The following PPM1E variants were observed in gnomAD, a reference collection of about 807,000 sequenced individuals.
PPM1E encodes protein phosphatase, Mg2+/Mn2+ dependent 1E.
A neutral mutation model predicts 65.9 loss-of-function variants in PPM1E; 20 were observed. That is an observed-to-expected ratio of 0.30 (90% CI 0.21 to 0.44). PPM1E has a LOEUF of 0.44. PPM1E is among the 20% of genes least tolerant of loss of function. PPM1E has a pLI of 1.00. For missense variants in PPM1E, 713 were observed against 953.1 expected (o/e 0.75, Z 3.32); for synonymous variants, 352 against 374.9 (o/e 0.94, Z 0.70).
At chr17:58,978,611 G>A (rs1419720365) in intron 6 of PPM1E, among the ~76,000 whole-genome samples, 2 of 152,014 alleles carry the variant, frequency 1.3e-5, no homozygotes, top group Admixed American at 1.3e-4. Context: ...CTCCGGAGGC[G>A]GAGGCAGGAG....
chr17:58,811,547 C>A (rs113313732), intron 1 of PPM1E, among the ~76,000 whole-genome samples: 3 of 152,036 alleles, frequency 2.0e-5, no homozygotes, highest in African/African-American at 7.2e-5. Context: ...AGACTTTTTT[C>A]TTTTGTATTG....
chr17:58,876,825 C>T (rs2051131916), intron 1 of PPM1E, among the ~76,000 whole-genome samples: 1 of 152,128 alleles, frequency 6.6e-6, no homozygotes, highest in African/African-American at 2.4e-5. Context: ...GCCCTGTCCG[C>T]CAGGCTGGAG....
intron 1 of PPM1E, among the ~76,000 whole-genome samples, chr17:58,878,402 C>T (rs899715503): frequency 5.3e-5 from 8 of 151,826 alleles, no homozygotes; most frequent in African/African-American, 1.9e-4. Context: ...GCCACCACAC[C>T]TGGCTAATTT....
chr17:58,930,931 A>C (rs1047910949), intron 1 of PPM1E, among the ~76,000 whole-genome samples: 1 of 151,904 alleles, frequency 6.6e-6, no homozygotes, highest in Admixed American at 6.6e-5. Flanking sequence ...TGCAGACTTG[A>C]GGCCAGGTGT....
At chr17:58,760,918 G>A (rs1240087523) in intron 1 of PPM1E, among the ~76,000 whole-genome samples, 1 of 152,166 alleles carries the variant, frequency 6.6e-6, no homozygotes, top group Admixed American at 6.5e-5. Context: ...GATGCCTAGG[G>A]TATAGTCTAA....
At chr17:58,813,607 A>C (rs1181989617) in intron 1 of PPM1E, among the ~76,000 whole-genome samples, 1 of 152,178 alleles carries the variant, frequency 6.6e-6, no homozygotes. Flanking sequence ...TTTGTGAGAG[A>C]ATTTGAGTAT....
intron 1 of PPM1E, among the ~76,000 whole-genome samples, chr17:58,811,286 T>C (rs2050365375): frequency 6.6e-6 from 1 of 152,230 alleles, no homozygotes; most frequent in Non-Finnish European, 1.5e-5. Flanking sequence ...GTGTTCTATT[T>C]ATCTGGAATG....
intron 1 of PPM1E, among the ~76,000 whole-genome samples, chr17:58,908,558 G>A (rs929900540): frequency 6.6e-5 from 10 of 151,820 alleles, no homozygotes; most frequent in African/African-American, 2.4e-4. Context: ...TCCTGCCTCA[G>A]CCTTCTGAAT....
At chr17:58,828,069 A>C (rs1410600954) in intron 1 of PPM1E, among the ~76,000 whole-genome samples, 1 of 151,296 alleles carries the variant, frequency 6.6e-6, no homozygotes, top group Non-Finnish European at 1.5e-5. Flanking sequence ...AAATACAAAA[A>C]TTAGCCAGGC....
intron 1 of PPM1E, among the ~76,000 whole-genome samples, chr17:58,906,264 T>G (rs961731749): frequency 6.6e-6 from 1 of 152,220 alleles, no homozygotes; most frequent in African/African-American, 2.4e-5. Flanking sequence ...GGCTAGAGGC[T>G]TATCGATTTT....
At chr17:58,869,934 G>A (rs2051051369) in intron 1 of PPM1E, among the ~76,000 whole-genome samples, 1 of 152,134 alleles carries the variant, frequency 6.6e-6, no homozygotes, top group Admixed American at 6.5e-5. Context: ...AGAGAATCTG[G>A]GATTGAAAGT....
At chr17:58,928,036 G>A (rs889125128) in intron 1 of PPM1E, among the ~76,000 whole-genome samples, 1 of 151,762 alleles carries the variant, frequency 6.6e-6, no homozygotes, top group Non-Finnish European at 1.5e-5. Flanking sequence ...CTCCAGCCTG[G>A]GCAACAGAGC....
chr17:58,827,688 G>A (rs1220602935), intron 1 of PPM1E, among the ~76,000 whole-genome samples: 1 of 150,984 alleles, frequency 6.6e-6, no homozygotes, highest in Non-Finnish European at 1.5e-5. Context: ...GGATCACGAG[G>A]TCAGGAGATC....
intron 1 of PPM1E, among the ~76,000 whole-genome samples, chr17:58,859,379 C>T (rs1448169164): frequency 6.6e-6 from 1 of 152,218 alleles, no homozygotes; most frequent in Non-Finnish European, 1.5e-5. Flanking sequence ...AAAGTTACAA[C>T]AGCTTTAAGT....
At chr17:58,914,566 C>A (rs2051663938) in intron 1 of PPM1E, among the ~76,000 whole-genome samples, 1 of 152,106 alleles carries the variant, frequency 6.6e-6, no homozygotes, top group South Asian at 2.1e-4. Context: ...ATACCCTTCT[C>A]CAGGAGGTAG....
At chr17:58,788,698 A>G (rs554784883) in intron 1 of PPM1E, among the ~76,000 whole-genome samples, 6 of 152,332 alleles carry the variant, frequency 3.9e-5, no homozygotes, top group Admixed American at 3.3e-4. Flanking sequence ...TATAATAGCA[A>G]TGAACGTATT....
chr17:58,830,450 G>A (rs192607874), intron 1 of PPM1E, among the ~76,000 whole-genome samples: 9 of 151,916 alleles, frequency 5.9e-5, no homozygotes, highest in South Asian at 2.1e-4. Context: ...TGGGACTACA[G>A]GCACCCACCA....
At chr17:58,933,620 A>T (rs965291141) in intron 1 of PPM1E, among the ~76,000 whole-genome samples, 3 of 151,684 alleles carry the variant, frequency 2.0e-5, no homozygotes, top group Non-Finnish European at 4.4e-5. Flanking sequence ...ACATGGTGAA[A>T]CTCCATCTCT....
intron 1 of PPM1E, among the ~76,000 whole-genome samples, chr17:58,942,841 A>C (rs1028137278): frequency 7.2e-5 from 11 of 152,082 alleles, no homozygotes; most frequent in Non-Finnish European, 5.9e-5. Flanking sequence ...AAAAAAGAAA[A>C]AAAAAAGATT....
Sources: allele counts gnomAD v4.1 joint callset (sites outside exome capture counted in the v4.1 genomes callset), GRCh38; gene constraint gnomAD v4.1.1; transcripts MANE v1.5; gene names NCBI Gene and HGNC (gene_info 2026-07-23, HGNC 2026-07-21).